MSRA: variants seen among roughly 807,000 people sequenced by gnomAD.
MSRA encodes the protein mitochondrial peptide methionine sulfoxide reductase.
A neutral mutation model predicts 31.3 loss-of-function variants in MSRA; 54 were observed. The observed-to-expected ratio is 1.73, with a 90% CI of 1.39 to 2.17. The LOEUF is 2.17. MSRA is among the 30% of genes most tolerant of loss of function. The pLI is 0.00. For missense variants in MSRA, 507 were observed against 300.9 expected, an observed-to-expected ratio of 1.69 and a Z score of -5.07; for synonymous variants, 169 against 116.5, an observed-to-expected ratio of 1.45 and a Z score of -2.90.
At chr8:10,420,677 C>A (rs1166312873) in intron 5 of MSRA, among the ~76,000 whole-genome samples, 3 of 152,086 alleles carry the variant, frequency 2.0e-5, no homozygotes, top group African/African-American at 7.2e-5. Context: ...AGGGCAGCCC[C>A]CACCCCATGT....
At chr8:10,089,660 G>A (rs1379215966) in intron 1 of MSRA, among the ~76,000 whole-genome samples, 2 of 152,198 alleles carry the variant, frequency 1.3e-5, no homozygotes, top group Admixed American at 1.3e-4. Flanking sequence ...TCACAGTTCT[G>A]CAGGCTGTAT....
At chr8:10,200,635 C>T (rs1487517208) in intron 1 of MSRA, among the ~76,000 whole-genome samples, 1 of 152,164 alleles carries the variant, frequency 6.6e-6, no homozygotes, top group African/African-American at 2.4e-5. Flanking sequence ...AGAAGCCCCT[C>T]CCAGTGACTC....
chr8:10,244,340 G>A (rs942771002), intron 2 of MSRA, among the ~76,000 whole-genome samples: 8 of 152,164 alleles, frequency 5.3e-5, no homozygotes, highest in Non-Finnish European at 8.8e-5. Context: ...TGCGACGTGC[G>A]TGAGTGTGTG....
chr8:10,150,530 C>G (rs1344651630), intron 1 of MSRA, among the ~76,000 whole-genome samples: 1 of 152,150 alleles, frequency 6.6e-6, no homozygotes, highest in Non-Finnish European at 1.5e-5. Context: ...CAACGGCTTA[C>G]TACACGATAA....
intron 5 of MSRA, among the ~76,000 whole-genome samples, chr8:10,348,522 A>C (rs897115001): frequency 1.3e-5 from 2 of 151,626 alleles, no homozygotes; most frequent in Non-Finnish European, 2.9e-5. Flanking sequence ...AGCGTGCGCC[A>C]CCATGCCCGG....
chr8:10,180,510 C>T (rs1806446916), intron 1 of MSRA, among the ~76,000 whole-genome samples: 1 of 152,136 alleles, frequency 6.6e-6, no homozygotes, highest in Admixed American at 6.5e-5. Flanking sequence ...ACTTCCAATC[C>T]TCTAATGACC....
At chr8:10,212,444 C>G (rs1252690043) in intron 2 of MSRA, among the ~76,000 whole-genome samples, 1 of 152,000 alleles carries the variant, frequency 6.6e-6, no homozygotes, top group African/African-American at 2.4e-5. Flanking sequence ...CTTGGATAGA[C>G]AAAGTGAACA....
chr8:10,109,497 C>G (rs533707085), intron 1 of MSRA, among the ~76,000 whole-genome samples: 6 of 151,978 alleles, frequency 3.9e-5, no homozygotes, highest in Non-Finnish European at 8.8e-5. Flanking sequence ...ACGCACCTAC[C>G]ACACTCAGCT....
chr8:10,332,988 T>TG (rs1311879900), intron 5 of MSRA, among the ~76,000 whole-genome samples: 3 of 152,224 alleles, frequency 2.0e-5, no homozygotes, highest in Non-Finnish European at 4.4e-5. Context: ...TTTATTCACT[T>TG]GCACTGAGTT....
intron 5 of MSRA, among the ~76,000 whole-genome samples, chr8:10,343,986 G>C (rs1255833082): frequency 1.3e-5 from 2 of 152,208 alleles, no homozygotes; most frequent in Admixed American, 6.5e-5. Flanking sequence ...TGTGGCTCTT[G>C]TTTACCCAAA....
At chr8:10,418,818 A>AAAAAAAAAAAAAAAAAAAAAAAAC in intron 5 of MSRA, among the ~76,000 whole-genome samples, 1 of 78,332 alleles carries the variant, frequency 1.3e-5, no homozygotes, top group Non-Finnish European at 2.4e-5. Context: ...CTACGACTAA[A>AAAAAAAAAAAAAAAAAAAAAAAAC]AAAAAAAAAA....
chr8:10,205,423 A>C (rs1808873694), intron 1 of MSRA, among the ~76,000 whole-genome samples: 1 of 152,154 alleles, frequency 6.6e-6, no homozygotes. Flanking sequence ...GGAGCATGGC[A>C]GGCCCATTCC....
intron 5 of MSRA, among the ~76,000 whole-genome samples, chr8:10,320,589 ACT>A (rs1250907545): frequency 2.6e-5 from 4 of 151,280 alleles, no homozygotes; most frequent in Admixed American, 6.6e-5. Flanking sequence ...TCTGTCTGAA[ACT>A]CTCTCTTTTT....
chr8:10,113,322 T>G (rs1382764624), intron 1 of MSRA, among the ~76,000 whole-genome samples: 1 of 133,746 alleles, frequency 7.5e-6, no homozygotes, highest in African/African-American at 3.2e-5. Context: ...TTTGGAGGTG[T>G]GTGTTTAAAT....
intron 5 of MSRA, among the ~76,000 whole-genome samples, chr8:10,354,748 GTGTATA>G (rs1457806798): frequency 1.9e-4 from 25 of 129,012 alleles, no homozygotes; most frequent in African/African-American, 7.5e-4. Context: ...GTGTGTGTGT[GTGTATA>G]TATATATATA....
intron 3 of MSRA, among the ~76,000 whole-genome samples, chr8:10,286,250 C>T (rs934367047): frequency 6.6e-6 from 1 of 152,144 alleles, no homozygotes; most frequent in African/African-American, 2.4e-5. Context: ...GACTGTATCC[C>T]CACCCAGATC....
chr8:10,352,051 T>C (rs895135326), intron 5 of MSRA, among the ~76,000 whole-genome samples: 2 of 152,186 alleles, frequency 1.3e-5, no homozygotes, highest in African/African-American at 4.8e-5. Context: ...GCAGAAAATA[T>C]GGGAGTTTGG....
At chr8:10,141,698 C>G (rs984220979) in intron 1 of MSRA, among the ~76,000 whole-genome samples, 1 of 151,972 alleles carries the variant, frequency 6.6e-6, no homozygotes, top group African/African-American at 2.4e-5. Flanking sequence ...TGAAGGAACT[C>G]ACCTCTTGAC....
intron 4 of MSRA, among the ~76,000 whole-genome samples, chr8:10,302,096 C>T (rs1171701704): frequency 1.3e-5 from 2 of 152,110 alleles, no homozygotes; most frequent in Non-Finnish European, 2.9e-5. Flanking sequence ...TAAAGAAGAA[C>T]ATAAAGGTAA....
Sources: allele counts gnomAD v4.1 joint callset (sites outside exome capture counted in the v4.1 genomes callset), GRCh38; gene constraint gnomAD v4.1.1; transcripts MANE v1.5; gene names NCBI Gene and HGNC (gene_info 2026-07-23, HGNC 2026-07-21).